Variants in VSIG10 observed in about 807,000 individuals in gnomAD.
The protein encoded by VSIG10 is V-set and immunoglobulin domain containing 10.
A neutral mutation model predicts 58.7 loss-of-function variants in VSIG10; 48 were observed. That is an observed-to-expected ratio of 0.82 (90% CI 0.65 to 1.04). The LOEUF is 1.04. VSIG10 is among the 50% of genes least tolerant of loss of function. The pLI, the probability that VSIG10 is intolerant of heterozygous loss-of-function variation, is 0.00. For missense variants in VSIG10, 628 were observed against 670.0 expected (o/e 0.94, Z 0.69); for synonymous variants, 260 against 267.1 (o/e 0.97, Z 0.26).
chr12:118,092,523 A>G (rs1234306092), intron 2 of VSIG10, among the ~76,000 whole-genome samples: 2 of 152,234 alleles, frequency 1.3e-5, no homozygotes, highest in Non-Finnish European at 2.9e-5. Context: ...CACCTCTGCC[A>G]TAGTTAGTAA....
At chr12:118,068,708 A>C in intron 7 of VSIG10, 111 bp from the exon 8 acceptor site, 1 of 1,318,914 alleles carries the variant, frequency 7.6e-7, no homozygotes, top group Admixed American at 2.9e-5. Context: ...TAATATGGAA[A>C]ATTACAGCTT....
At chr12:118,070,699 A>G (rs1453453678) in intron 7 of VSIG10, among the ~76,000 whole-genome samples, 2 of 152,204 alleles carry the variant, frequency 1.3e-5, no homozygotes, top group African/African-American at 4.8e-5. Flanking sequence ...TCAATGACAG[A>G]CCTGCAATGT....
At chr12:118,084,117 C>G (rs2033049594) in intron 2 of VSIG10, among the ~76,000 whole-genome samples, 1 of 152,082 alleles carries the variant, frequency 6.6e-6, no homozygotes, top group South Asian at 2.1e-4. Context: ...GAGACCCTCC[C>G]TATCTCAAGA....
At position 118,103,635 on chromosome 12, in the gene VSIG10, G is replaced by C. The variant is rs1021795012; in HGVS notation, c.37C>G (p.Leu13Val). Residue 13 changes from leucine to valine, a missense_variant, in exon 1 of 9, where the codon CTC becomes GTC. Transcript: ENST00000359236. Reference sequence around the variant, plus strand: ...GCCAGGAGCGCCCCGAGGCAGACGAGGACGCGGGGCTCGGGCGCACTGCCG... The same window carrying C: ...GCCAGGAGCGCCCCGAGGCAGACGACGACGCGGGGCTCGGGCGCACTGCCG... ...AGGSAPEPRV[L>V]VCLGALLAGW... is the part of the protein sequence containing the mutation. The C allele has an allele frequency of 3.3e-6, 5 of 1,511,754 alleles. No homozygotes were observed. The highest frequency in any genetic ancestry group is 4.4e-6 in the Non-Finnish European group (5 of 1,136,008). 93.6% of individuals were successfully genotyped at this position (1,511,754 alleles called of 1,614,324 possible). A position where few individuals can be genotyped will look rare whatever the true frequency, so the allele number is the denominator to read the frequency against.
intron 5 of VSIG10, among the ~76,000 whole-genome samples, chr12:118,072,659 A>T (rs114441597): frequency 0.012 from 1,760 of 152,172 alleles, 37 homozygotes; most frequent in African/African-American, 0.04. Context: ...GGAGTTCAAG[A>T]CCAACCTGGT....
intron 2 of VSIG10, among the ~76,000 whole-genome samples, chr12:118,085,107 C>G (rs947943637): frequency 5.9e-5 from 9 of 152,202 alleles, no homozygotes; most frequent in Admixed American, 5.9e-4. Context: ...TCTGACCAGG[C>G]ACAAACAAGT....
At chr12:118,083,907 G>C (rs1592873542) in intron 2 of VSIG10, among the ~76,000 whole-genome samples, 2 of 151,422 alleles carry the variant, frequency 1.3e-5, no homozygotes, top group Non-Finnish European at 2.9e-5. Context: ...GATCACATGA[G>C]CCCAGGAGTT....
intron 7 of VSIG10, 117 bp downstream of exon 7, chr12:118,070,935 A>G: frequency 8.2e-7 from 1 of 1,220,010 alleles, no homozygotes; most frequent in South Asian, 1.3e-5. Flanking sequence ...AGTGTCTAGC[A>G]CATCGTAGGT....
chr12:118,066,487 G>A lies in VSIG10; in HGVS notation c.*152C>T, dbSNP rs567446093. ...TTTCAATACATGGAAGGAAAGATGT[G>A]TGTGCTTGGTTTTGTTTTTTGCTGA... On this transcript the variant is annotated 3_prime_UTR_variant, in exon 9 of 9. Coordinates refer to ENST00000359236, the MANE Select transcript of VSIG10 (RefSeq NM_019086.6). The A allele has an allele frequency of 2.8e-5, 21 of 740,894 alleles. No homozygotes were observed. Among genetic ancestry groups the A allele is most frequent in the South Asian group, 1.5e-4 (10 of 66,220 alleles). The allele number at this position is 740,894 out of a possible 1,614,324, so 45.9% of individuals were successfully genotyped here.
chr12:118,095,913 G>C, intron 1 of VSIG10, 99 bp from the exon 2 acceptor site: 1 of 1,136,984 alleles, frequency 8.8e-7, no homozygotes, highest in South Asian at 1.7e-5. Flanking sequence ...TTAAAAATCA[G>C]GTATATGTTC....
At chr12:118,074,801 T>C (rs1353351177) in intron 4 of VSIG10, among the ~76,000 whole-genome samples, 1 of 152,158 alleles carries the variant, frequency 6.6e-6, no homozygotes, top group Non-Finnish European at 1.5e-5. Flanking sequence ...TTTTATTTTT[T>C]CATTTCTTGC....
chr12:118,088,507 G>T (rs1234656115), intron 2 of VSIG10, among the ~76,000 whole-genome samples: 1 of 152,130 alleles, frequency 6.6e-6, no homozygotes, highest in East Asian at 1.9e-4. Flanking sequence ...AATAGAACGT[G>T]GATTTGAACC....
intron 2 of VSIG10, among the ~76,000 whole-genome samples, chr12:118,088,280 G>T (rs2033192843): frequency 1.3e-5 from 2 of 150,684 alleles, no homozygotes; most frequent in South Asian, 4.2e-4. Context: ...TAAACTGGTT[G>T]ATTGTTGAGA....
intron 2 of VSIG10, among the ~76,000 whole-genome samples, chr12:118,087,348 G>A (rs914176621): frequency 1.1e-4 from 16 of 151,950 alleles, no homozygotes; most frequent in African/African-American, 3.4e-4. Flanking sequence ...AATGCCCACC[G>A]ATGGACAAGC....
chr12:118,097,139 A>C (rs1422736001), intron 1 of VSIG10, among the ~76,000 whole-genome samples: 3 of 152,178 alleles, frequency 2.0e-5, no homozygotes, highest in Non-Finnish European at 4.4e-5. Context: ...GTAGGTAACA[A>C]ACATAGCCCC....
intron 5 of VSIG10, among the ~76,000 whole-genome samples, chr12:118,072,959 T>C (rs535833602): frequency 6.6e-6 from 1 of 152,346 alleles, no homozygotes; most frequent in South Asian, 2.1e-4. Context: ...GCAGGCATCC[T>C]GTTTTTAAAG....
chr12:118,092,912 C>T (rs946818259), intron 2 of VSIG10, among the ~76,000 whole-genome samples: 1 of 150,142 alleles, frequency 6.7e-6, no homozygotes, highest in African/African-American at 2.4e-5. Flanking sequence ...CTGGGATTAC[C>T]GACGTGACCC....
chr12:118,099,781 T>C (rs897037346), intron 1 of VSIG10, among the ~76,000 whole-genome samples: 3 of 152,198 alleles, frequency 2.0e-5, no homozygotes, highest in Non-Finnish European at 4.4e-5. Context: ...CCCCTGGCAA[T>C]CCTTCCCATT....
chr12:118,086,960 A>G (rs545082675), intron 2 of VSIG10, among the ~76,000 whole-genome samples: 4 of 152,034 alleles, frequency 2.6e-5, no homozygotes, highest in East Asian at 3.9e-4. Flanking sequence ...ATGGGGTTTC[A>G]CTATGTTGGC....
Sources: allele counts gnomAD v4.1 joint callset (sites outside exome capture counted in the v4.1 genomes callset), GRCh38; gene constraint gnomAD v4.1.1; transcripts MANE v1.5; gene names NCBI Gene and HGNC (gene_info 2026-07-23, HGNC 2026-07-21).